Variants in MMD2 observed in about 807,000 individuals in gnomAD.
MMD2 encodes monocyte to macrophage differentiation associated 2.
MMD2 carries 30 observed loss-of-function variants against 33.5 expected under a neutral mutation model. The observed-to-expected ratio is 0.90, with a 90% CI of 0.67 to 1.22. The LOEUF is 1.22. Among genes scored for constraint, MMD2 ranks in the 50% most tolerant of loss-of-function variants. MMD2 has a pLI of 0.00. For synonymous variants in MMD2, 129 were observed against 123.0 expected (o/e 1.05, Z -0.32); for missense variants, 364 against 325.4 (o/e 1.12, Z -0.91).
chr7:4,908,181 GC>G (rs1271352343), intron 6 of MMD2, among the ~76,000 whole-genome samples: 1 of 131,400 alleles, frequency 7.6e-6, no homozygotes, highest in Non-Finnish European at 1.6e-5. Context: ...TTGCTCTTTT[GC>G]CCAGGCTAGA....
intron 2 of MMD2, among the ~76,000 whole-genome samples, chr7:4,925,120 G>A (rs985544964): frequency 6.6e-6 from 1 of 151,942 alleles, no homozygotes; most frequent in Admixed American, 6.6e-5. Context: ...TAGTAGAGAC[G>A]GGGTTTCACC....
At chr7:4,898,529 T>A in the MMD2 span, among the ~76,000 whole-genome samples, 1 of 152,092 alleles carries the variant, frequency 6.6e-6, no homozygotes, top group African/African-American at 2.4e-5. Flanking sequence ...TAGGATAAGA[T>A]TGGATGGTGC....
intron 1 of MMD2, among the ~76,000 whole-genome samples, chr7:4,937,343 G>A (rs1371500582): frequency 1.3e-5 from 2 of 151,516 alleles, no homozygotes; most frequent in Non-Finnish European, 2.9e-5. Flanking sequence ...GTTGCAGTGA[G>A]CCGGGATTGC....
intron 1 of MMD2, among the ~76,000 whole-genome samples, chr7:4,931,342 G>A (rs915644970): frequency 6.6e-6 from 1 of 151,220 alleles, no homozygotes; most frequent in Non-Finnish European, 1.5e-5. Context: ...TTGTAGAAGT[G>A]AGGTCTCACT....
intron 1 of MMD2, among the ~76,000 whole-genome samples, chr7:4,948,986 A>T (rs1786165673): frequency 6.6e-6 from 1 of 152,078 alleles, no homozygotes. Flanking sequence ...TAGTTTTTGT[A>T]TTCTTTTGTA....
At position 4,907,303 on chromosome 7, in the gene MMD2, G is replaced by A. The variant is rs200853214; in HGVS notation, c.*93C>T. The A allele has an allele frequency of 3.1e-6, 4 of 1,271,760 alleles. No individual in the cohort carries two copies. In the East Asian group the frequency reaches 9.3e-5, roughly 30 times the overall value. 78.8% of individuals were successfully genotyped at this position (1,271,760 alleles called of 1,614,324 possible). On this transcript the variant is annotated 3_prime_UTR_variant, in exon 7 of 7. Transcript: ENST00000401401. The stretch of plus-strand genomic sequence containing the variant: ...CCATCAAGAACTCTACCCAATAAAG[G>A]GAAGACAGGCCTTGGCGCTGTGCTC...
chr7:4,925,311 C>CACTCGCT (rs1785395198), intron 2 of MMD2, 140 bp downstream of exon 2: 3 of 390,554 alleles, frequency 7.7e-6, no homozygotes, highest in South Asian at 6.6e-5. Context: ...CCTCGAGACG[C>CACTCGCT]CACAGTGGCC....
chr7:4,908,700 C>G (rs1199981332), intron 6 of MMD2, among the ~76,000 whole-genome samples: 1 of 151,648 alleles, frequency 6.6e-6, no homozygotes, highest in East Asian at 2.0e-4. Flanking sequence ...AGTTCGAGAC[C>G]AGCCTGGCCA....
chr7:4,930,983 T>C (rs1382759520), intron 1 of MMD2, among the ~76,000 whole-genome samples: 1 of 152,082 alleles, frequency 6.6e-6, no homozygotes, highest in Non-Finnish European at 1.5e-5. Flanking sequence ...CCTGAGTAAC[T>C]GGAATTACAG....
At chr7:4,914,981 T>C (rs538199209) in intron 4 of MMD2, among the ~76,000 whole-genome samples, 2 of 151,924 alleles carry the variant, frequency 1.3e-5, no homozygotes, top group Admixed American at 1.3e-4. Context: ...AAATATATAC[T>C]TTTAAAATGT....
At position 4,958,991 on chromosome 7, in the gene MMD2, G is replaced by C. The variant is rs1174385121; in HGVS notation, c.27C>G (p.Phe9Leu). The C allele has an allele frequency of 3.9e-6, 5 of 1,285,212 alleles. No homozygotes were observed. Among genetic ancestry groups the C allele is most frequent in the Non-Finnish European group, 9.9e-7 (1 of 1,008,774 alleles). 79.6% of individuals were successfully genotyped at this position (1,285,212 alleles called of 1,614,324 possible). A position where few individuals can be genotyped will look rare whatever the true frequency, so the allele number is the denominator to read the frequency against. The change falls in exon 1 of 7, where the codon TTC becomes TTG. Residue 9 changes from phenylalanine (F) to leucine (L), a missense_variant. Phe to Leu is a conservative substitution (Grantham distance 22). Coordinates refer to ENST00000401401, the MANE Select transcript of MMD2 (RefSeq NM_198403.4). ...CTCACCTCGCGTATTTCGTCTTCTG[G>C]AAATCCAGCAGCCGGGGGGCGAACA... is the stretch of plus-strand genomic sequence containing the variant. The part of the protein sequence containing the change: MFAPRLLD[F>L]QKTKYARFMN...
intron 1 of MMD2, among the ~76,000 whole-genome samples, chr7:4,948,642 G>C (rs1786157364): frequency 6.6e-6 from 1 of 152,150 alleles, no homozygotes; most frequent in Non-Finnish European, 1.5e-5. Context: ...TCACAAATGG[G>C]ATTAGTGCCC....
chr7:4,941,959 T>G (rs1342176845), intron 1 of MMD2, among the ~76,000 whole-genome samples: 1 of 151,886 alleles, frequency 6.6e-6, no homozygotes, highest in African/African-American at 2.4e-5. Context: ...CATTTATTTA[T>G]TTATATATTT....
intron 1 of MMD2, among the ~76,000 whole-genome samples, chr7:4,930,900 G>A (rs896725868): frequency 6.6e-6 from 1 of 152,084 alleles, no homozygotes; most frequent in South Asian, 2.1e-4. Flanking sequence ...ACCCAGGCTG[G>A]AGTGCAGTGG....
At chr7:4,903,552 C>T (rs141148153), downstream of MMD2, among the ~76,000 whole-genome samples, 4 of 152,292 alleles carry the variant, frequency 2.6e-5, no homozygotes, top group Non-Finnish European at 4.4e-5. Flanking sequence ...CTTCCCTGGC[C>T]GGGAGGCTGT....
rs762808814 is a variant in MMD2 at position 4,934,923 on chromosome 7, C to T, written c.48-9391G>A. ...GTTTAAGGCCGAGCGGGGTGGCTCA[C>T]GCCTGTGATCCCAGCACTTTGAAAG... is the stretch of plus-strand genomic sequence containing the variant. On this transcript the variant is annotated intron_variant, in intron 1 of 6. Transcript: ENST00000401401. Among the ~76,000 whole-genome samples the T allele has an allele frequency of 4.6e-5, 7 of 152,178 alleles. 1 individual carries two copies. The South Asian group carries it at 1.0e-3, about 22-fold the overall frequency.
At chr7:4,912,281 G>A (rs769591174) in intron 4 of MMD2, among the ~76,000 whole-genome samples, 16 of 151,916 alleles carry the variant, frequency 1.1e-4, no homozygotes, top group African/African-American at 2.9e-4. Context: ...ACTGTTGGCC[G>A]GGCGCGGTGG....
At chr7:4,908,999 G>T (rs140377184) in intron 6 of MMD2, among the ~76,000 whole-genome samples, 10 of 151,956 alleles carry the variant, frequency 6.6e-5, no homozygotes, top group Non-Finnish European at 1.2e-4. Flanking sequence ...CAATGTGAGT[G>T]TGCTTACTAC....
At chr7:4,949,756 C>T (rs1786189359) in intron 1 of MMD2, among the ~76,000 whole-genome samples, 1 of 152,144 alleles carries the variant, frequency 6.6e-6, no homozygotes. Context: ...CCCGCCTCAG[C>T]CTCCCAAAGT....
Sources: gnomAD v4.1 joint callset for allele counts (sites outside exome capture counted in the v4.1 genomes callset) on GRCh38, gnomAD v4.1.1 for gene constraint, MANE v1.5 for transcripts, NCBI Gene and HGNC (gene_info 2026-07-23, HGNC 2026-07-21) for gene names.